Variants in C8A observed in about 807,000 individuals in gnomAD.
The protein encoded by C8A is complement component C8 alpha chain.
A neutral mutation model predicts 65.3 loss-of-function variants in C8A; 67 were observed. That is an observed-to-expected ratio of 1.03 (90% CI 0.84 to 1.26). The LOEUF (loss-of-function observed/expected upper bound fraction) is 1.26, where lower values mean the gene tolerates loss of function less well. Ranked by LOEUF, C8A falls within the 50% of genes most tolerant of loss-of-function variation. The pLI is 0.00. For synonymous variants in C8A, 290 were observed against 259.4 expected, an observed-to-expected ratio of 1.12 and a Z score of -1.13; for missense variants, 781 against 723.9, an observed-to-expected ratio of 1.08 and a Z score of -0.90.
At chr1:56,876,506 A>G (rs1388239097) in intron 4 of C8A, among the ~76,000 whole-genome samples, 2 of 151,958 alleles carry the variant, frequency 1.3e-5, no homozygotes, top group South Asian at 2.1e-4. Flanking sequence ...CACAGCTTCC[A>G]TGAAGCCTTC....
chr1:56,880,867 G>C lies in C8A; in HGVS notation c.465-578G>C, dbSNP rs75760539. On this transcript the variant is annotated intron_variant, in intron 4 of 10. Coordinates refer to ENST00000361249, the MANE Select transcript of C8A (RefSeq NM_000562.3). ...TTACAAATGACTAAACCGAGGCACA[G>C]AGAGGTTAAATGGTATGCCTGAGGT... Among the ~76,000 whole-genome samples the C allele has an allele frequency of 1.8e-3, 279 of 152,292 alleles. 1 individual carries two copies. Among genetic ancestry groups the C allele is most frequent in the African/African-American group, 6.1e-3 (253 of 41,560 alleles).
chr1:56,876,546 GA>G (rs1644200629), intron 4 of C8A, among the ~76,000 whole-genome samples: 2 of 151,988 alleles, frequency 1.3e-5, no homozygotes, highest in Admixed American at 1.3e-4. Context: ...GCTCTTCTCT[GA>G]TCTAAGCCGT....
chr1:56,862,472 A>G (rs1272733240), intron 1 of C8A, among the ~76,000 whole-genome samples: 1 of 152,144 alleles, frequency 6.6e-6, no homozygotes, highest in Non-Finnish European at 1.5e-5. Flanking sequence ...AGCATTTTGA[A>G]TCTCCAAGAA....
Position 56,885,948 on chromosome 1 carries a change from T to C in C8A, c.877T>C (p.Phe293Leu), listed in dbSNP as rs1644296274. Residue 293 changes from phenylalanine to leucine, a missense_variant, in exon 7 of 11, where the codon TTC becomes CTC. By Grantham distance (22) the Phe-to-Leu change is conservative. Transcript: ENST00000361249. ...NEKKFIFTRI[F>L]TKVQTAHFKM... ...GCAGAAATTCATTTTCACAAGAATC[T>C]TCACAAAGGTGCAGACTGCACATTT... is the stretch of plus-strand genomic sequence containing the variant. 6.2e-7 allele frequency: 1 copy of C among 1,613,860 alleles called. No individual in the cohort carries two copies. Among genetic ancestry groups the C allele is most frequent in the Admixed American group, 1.7e-5 (1 of 59,978 alleles).
intron 9 of C8A, among the ~76,000 whole-genome samples, chr1:56,911,457 T>C (rs1001001330): frequency 1.3e-5 from 2 of 152,210 alleles, no homozygotes; most frequent in Admixed American, 6.5e-5. Flanking sequence ...AAGCCAGGTT[T>C]TCCGGCTCCA....
intron 7 of C8A, among the ~76,000 whole-genome samples, chr1:56,899,576 G>A (rs1461413083): frequency 1.3e-5 from 2 of 152,262 alleles, no homozygotes; most frequent in Admixed American, 6.5e-5. Flanking sequence ...GTCACCGGGT[G>A]CCCTTGTCCT....
chr1:56,886,201 T>C (rs1644299193), intron 7 of C8A, 34 bp downstream of exon 7: 3 of 1,612,562 alleles, frequency 1.9e-6, no homozygotes, highest in Non-Finnish European at 2.5e-6. Flanking sequence ...TACACAGTAG[T>C]CAACACAGAC....
At chr1:56,913,689 A>G (rs907375386) in intron 10 of C8A, among the ~76,000 whole-genome samples, 2 of 152,226 alleles carry the variant, frequency 1.3e-5, no homozygotes, top group African/African-American at 4.8e-5. Context: ...TGATGGCAAA[A>G]TGTATGGACT....
At chr1:56,902,934 G>A (rs1644437398) in intron 7 of C8A, among the ~76,000 whole-genome samples, 1 of 152,148 alleles carries the variant, frequency 6.6e-6, no homozygotes, top group Non-Finnish European at 1.5e-5. Flanking sequence ...ATGGAGAGGA[G>A]AGTGAGATTA....
chr1:56,896,297 G>A (rs773461343), intron 7 of C8A, among the ~76,000 whole-genome samples: 1 of 152,114 alleles, frequency 6.6e-6, no homozygotes, highest in Non-Finnish European at 1.5e-5. Context: ...CCCAAGATCT[G>A]CAGTCGGCAA....
chr1:56,893,942 A>C (rs1379712785), intron 7 of C8A, among the ~76,000 whole-genome samples: 1 of 152,170 alleles, frequency 6.6e-6, no homozygotes, highest in Non-Finnish European at 1.5e-5. Context: ...ATGAGAGTAC[A>C]TACTTCATAG....
At chr1:56,871,839 G>A (rs1385605789) in intron 2 of C8A, among the ~76,000 whole-genome samples, 1 of 152,130 alleles carries the variant, frequency 6.6e-6, no homozygotes, top group Non-Finnish European at 1.5e-5. Flanking sequence ...CAAAGAAGGA[G>A]TACTCAGAGG....
At chr1:56,916,215 C>G (rs551368680) in intron 10 of C8A, among the ~76,000 whole-genome samples, 1 of 152,308 alleles carries the variant, frequency 6.6e-6, no homozygotes, top group Non-Finnish European at 1.5e-5. Flanking sequence ...TCCCAAGGTC[C>G]CATTCCTCCT....
chr1:56,868,452 T>TAC (rs1570317517), intron 2 of C8A, among the ~76,000 whole-genome samples: 1 of 151,220 alleles, frequency 6.6e-6, no homozygotes, highest in South Asian at 2.1e-4. Flanking sequence ...CTACAAAAAA[T>TAC]ACACACACAC....
intron 10 of C8A, among the ~76,000 whole-genome samples, chr1:56,914,084 TAAG>T (rs56129024): frequency 0.15 from 23,022 of 152,036 alleles, 1,906 homozygotes; most frequent in Middle Eastern, 0.22. Context: ...ACCTATGTAT[TAAG>T]AAGATCTGGA....
rs145627843 is a variant in C8A, at chr1:56,887,234, G to A, written c.1096+1067G>A. Among the ~76,000 whole-genome samples, 6 of 152,298 alleles carry A rather than the reference G, an allele frequency of 3.9e-5. No individual in the cohort carries two copies. In the East Asian group the frequency reaches 7.7e-4, roughly 20 times the overall value. ...ACAATTTTCCAGTAATGGGATTGCTGGGTCAAGTGGTACTTCTGGTTCTAG... is the reference window on the plus strand; with the variant it reads ...ACAATTTTCCAGTAATGGGATTGCTAGGTCAAGTGGTACTTCTGGTTCTAG... On this transcript the variant is annotated intron_variant, in intron 7 of 10. Transcript: ENST00000361249.
intron 1 of C8A, among the ~76,000 whole-genome samples, chr1:56,860,550 G>T (rs902084915): frequency 3.9e-5 from 6 of 152,124 alleles, no homozygotes; most frequent in African/African-American, 1.4e-4. Flanking sequence ...ATTGGAGAAA[G>T]GTAAAGTAGA....
chr1:56,915,957 G>T (rs1644547708), intron 10 of C8A, among the ~76,000 whole-genome samples: 1 of 152,184 alleles, frequency 6.6e-6, no homozygotes, highest in Non-Finnish European at 1.5e-5. Context: ...GAACAGATGT[G>T]AGCCTTGCCA....
chr1:56,886,501 T>C (rs1644301431), intron 7 of C8A, among the ~76,000 whole-genome samples: 1 of 152,218 alleles, frequency 6.6e-6, no homozygotes, highest in African/African-American at 2.4e-5. Context: ...TGTAGTATTA[T>C]TGGTTAATGG....
Sources: gnomAD v4.1 joint callset for allele counts (sites outside exome capture counted in the v4.1 genomes callset) on GRCh38, gnomAD v4.1.1 for gene constraint, MANE v1.5 for transcripts, NCBI Gene and HGNC (gene_info 2026-07-23, HGNC 2026-07-21) for gene names.